The following SULF1 variants were observed in gnomAD, a reference collection of about 807,000 sequenced individuals.
The protein encoded by SULF1 is extracellular sulfatase Sulf-1.
SULF1 carries 46 observed loss-of-function variants against 110.5 expected under a neutral mutation model. That is an observed-to-expected ratio of 0.42 (90% CI 0.33 to 0.53). The LOEUF (loss-of-function observed/expected upper bound fraction) is 0.53. Ranked by LOEUF, SULF1 falls within the 20% of genes least tolerant of loss-of-function variation. The probability of loss-of-function intolerance (pLI) is 0.12; values close to 1 mark genes in which losing one functional copy is unlikely to be tolerated. For synonymous variants in SULF1, 371 were observed against 387.1 expected, an observed-to-expected ratio of 0.96 and a Z score of 0.49; for missense variants, 941 against 1,094.2, an observed-to-expected ratio of 0.86 and a Z score of 1.98.
rs1220923164 is a variant in SULF1, at chr8:69,526,849, G to A, written c.-134+24881G>A. ...AGGAAGGAAGGAAGGAAGGGAGGAA[G>A]GAAGGAAGGAAAGAAGGAGGAAGGG... On this transcript the variant is annotated intron_variant, in intron 3 of 22. Transcript: ENST00000402687. Among the ~76,000 whole-genome samples the A allele has an allele frequency of 5.4e-5, 8 of 148,330 alleles. 1 individual carries two copies. The highest frequency in any genetic ancestry group is 2.0e-4 in the African/African-American group (8 of 39,586).
chr8:69,559,207 T>C (rs891206291), intron 3 of SULF1, among the ~76,000 whole-genome samples: 6 of 152,334 alleles, frequency 3.9e-5, no homozygotes, highest in African/African-American at 1.4e-4. Context: ...CAAGTGATAA[T>C]TCATTAAAGG....
intron 13 of SULF1, among the ~76,000 whole-genome samples, chr8:69,619,672 G>A (rs751641290): frequency 9.2e-5 from 14 of 152,216 alleles, no homozygotes; most frequent in African/African-American, 1.4e-4. Flanking sequence ...ACTCTCTGCC[G>A]AGTATGCAGT....
chr8:69,581,955 C>T (rs561460460), intron 6 of SULF1, among the ~76,000 whole-genome samples: 6 of 151,096 alleles, frequency 4.0e-5, no homozygotes, highest in South Asian at 4.2e-4. Flanking sequence ...TCTTACGCTC[C>T]GTTAACACAG....
intron 19 of SULF1, among the ~76,000 whole-genome samples, chr8:69,632,355 A>G (rs1235760279): frequency 1.3e-5 from 2 of 152,298 alleles, no homozygotes; most frequent in Admixed American, 1.3e-4. Context: ...CTGTACACAT[A>G]TGTGCACATA....
chr8:69,652,725 CT>C (rs1435336956), intron 22 of SULF1, among the ~76,000 whole-genome samples: 13 of 152,182 alleles, frequency 8.5e-5, no homozygotes, highest in African/African-American at 3.1e-4. Context: ...AGTTTTGGCC[CT>C]TCAAAGGTGG....
intron 13 of SULF1, among the ~76,000 whole-genome samples, chr8:69,606,731 CA>C (rs1449107399): frequency 1.3e-5 from 2 of 152,182 alleles, no homozygotes; most frequent in African/African-American, 4.8e-5. Context: ...AACTAAGTTA[CA>C]AACTTAATTT....
At chr8:69,494,717 T>A (rs1158551170) in intron 1 of SULF1, among the ~76,000 whole-genome samples, 1 of 152,068 alleles carries the variant, frequency 6.6e-6, no homozygotes, top group African/African-American at 2.4e-5. Context: ...CAGGCTTAGT[T>A]TGGTCAAACT....
chr8:69,525,582 G>A (rs930262694), intron 3 of SULF1, among the ~76,000 whole-genome samples: 11 of 152,120 alleles, frequency 7.2e-5, no homozygotes, highest in Admixed American at 3.3e-4. Flanking sequence ...GTTCTTGCTC[G>A]TTCTTTACTA....
intron 13 of SULF1, among the ~76,000 whole-genome samples, chr8:69,616,185 T>TAA: frequency 6.9e-6 from 1 of 145,852 alleles, no homozygotes; most frequent in South Asian, 2.1e-4. Context: ...TGTATATAAA[T>TAA]ATATATACAC....
intron 3 of SULF1, among the ~76,000 whole-genome samples, chr8:69,518,311 G>A (rs1003226922): frequency 3.9e-5 from 6 of 151,910 alleles, no homozygotes; most frequent in Non-Finnish European, 4.4e-5. Flanking sequence ...TAATATGCTC[G>A]AGCATATTTG....
Position 69,603,884 on chromosome 8 carries a change from CAGTT to C in SULF1, c.1247+231_1247+234del, listed in dbSNP as rs142625680. 4.6e-5 allele frequency among the ~76,000 whole-genome samples: 7 copies of C among 152,272 alleles called. No individual in the cohort carries two copies. In the East Asian group the frequency reaches 1.3e-3, roughly 29 times the overall value. On this transcript the variant is annotated intron_variant, in intron 12 of 22. Transcript: ENST00000402687. ...AAGTTGGTTAATTGGTACAAAAACACAGTTAGATAGAAGTTATAGAATTTGATAG... is the reference window on the plus strand; with the variant it reads ...AAGTTGGTTAATTGGTACAAAAACACAGATAGAAGTTATAGAATTTGATAG...
At chr8:69,475,507 G>A (rs554275121) in intron 1 of SULF1, among the ~76,000 whole-genome samples, 9 of 152,158 alleles carry the variant, frequency 5.9e-5, no homozygotes, top group African/African-American at 2.2e-4. Context: ...TAACAATAAT[G>A]CAACTTGGTG....
intron 8 of SULF1, chr8:69,593,111 G>T: frequency 3.8e-6 from 1 of 265,100 alleles, no homozygotes; most frequent in Non-Finnish European, 5.9e-6. Flanking sequence ...TCTCCTGCAG[G>T]CCCTGAAAGC....
chr8:69,467,102 T>G (rs1429115663), intron 1 of SULF1: 1 of 152,176 alleles, frequency 6.6e-6, no homozygotes, highest in East Asian at 1.9e-4. Flanking sequence ...GAGCATAGCT[T>G]GATGCTTGGC....
intron 13 of SULF1, among the ~76,000 whole-genome samples, chr8:69,618,783 T>C (rs952142478): frequency 3.3e-5 from 5 of 152,206 alleles, no homozygotes; most frequent in African/African-American, 1.2e-4. Flanking sequence ...GATTATATAG[T>C]AGAAGCCAAA....
intron 19 of SULF1, among the ~76,000 whole-genome samples, chr8:69,634,185 C>T (rs890355135): frequency 2.0e-5 from 3 of 152,168 alleles, no homozygotes; most frequent in African/African-American, 7.2e-5. Context: ...TTTTTCCCCA[C>T]AGCTACCCCT....
At chr8:69,615,877 G>A (rs1307649265) in intron 13 of SULF1, among the ~76,000 whole-genome samples, 3 of 152,116 alleles carry the variant, frequency 2.0e-5, no homozygotes, top group Admixed American at 6.5e-5. Flanking sequence ...TGTACCCTCA[G>A]CTCCTCCAGG....
chr8:69,489,571 C>CTTTTTTTTTTTTTTT (rs61391745), upstream of SULF1, among the ~76,000 whole-genome samples: 3 of 91,960 alleles, frequency 3.3e-5, no homozygotes, highest in Non-Finnish European at 2.0e-5. Context: ...CTTTCTTTCT[C>CTTTTTTTTTTTTTTT]TTTTTTTTTT....
At chr8:69,480,783 T>A (rs553151689) in intron 1 of SULF1, among the ~76,000 whole-genome samples, 15 of 151,450 alleles carry the variant, frequency 9.9e-5, no homozygotes, top group African/African-American at 3.6e-4. Flanking sequence ...TCTGACTTTT[T>A]AAAAAAGTTT....
Sources: gnomAD v4.1 joint callset for allele counts (sites outside exome capture counted in the v4.1 genomes callset) on GRCh38, gnomAD v4.1.1 for gene constraint, MANE v1.5 for transcripts, NCBI Gene and HGNC (gene_info 2026-07-23, HGNC 2026-07-21) for gene names.